Variants in ACTR3C observed in about 807,000 individuals in gnomAD.
The protein encoded by ACTR3C is actin-related protein 3C.
In ACTR3C, 18 loss-of-function variants were observed where a neutral mutation model predicts 26.3. The ratio of observed to expected loss-of-function variants is 0.68; its 90% confidence interval spans 0.47 to 1.01. The LOEUF (loss-of-function observed/expected upper bound fraction) is 1.01, where lower values mean the gene tolerates loss of function less well. Ranked by LOEUF, ACTR3C falls within the 50% of genes least tolerant of loss-of-function variation. The pLI, the probability that ACTR3C is intolerant of heterozygous loss-of-function variation, is 0.00. For synonymous variants in ACTR3C, 55 were observed against 94.5 expected, an observed-to-expected ratio of 0.58 and a Z score of 2.42; for missense variants, 184 against 250.7, an observed-to-expected ratio of 0.73 and a Z score of 1.80.
chr7:149,906,086 C>CT, the ACTR3C span, among the ~76,000 whole-genome samples: 12 of 152,080 alleles, frequency 7.9e-5, no homozygotes, highest in Admixed American at 7.9e-4. Context: ...TGTGTCAGCA[C>CT]TGATACATGA....
At chr7:150,034,805 CCGCCTCG>C in the ACTR3C span, among the ~76,000 whole-genome samples, 1 of 147,906 alleles carries the variant, frequency 6.8e-6, no homozygotes, top group Non-Finnish European at 1.5e-5. Flanking sequence ...CTCTCAGTCC[CCGCCTCG>C]TGGGGGGTGC....
chr7:149,990,476 A>T, the ACTR3C span, among the ~76,000 whole-genome samples: 1 of 119,606 alleles, frequency 8.4e-6, no homozygotes, highest in Admixed American at 9.5e-5. Flanking sequence ...TCACCCCACC[A>T]CACTCCATGT....
the ACTR3C span, among the ~76,000 whole-genome samples, chr7:150,149,328 T>C: frequency 2.6e-5 from 4 of 151,926 alleles, no homozygotes; most frequent in African/African-American, 9.7e-5. Flanking sequence ...AAAAGATTTC[T>C]TTTGATGCAC....
the ACTR3C span, among the ~76,000 whole-genome samples, chr7:150,223,628 A>G: frequency 1.3e-5 from 2 of 152,082 alleles, no homozygotes; most frequent in Middle Eastern, 3.4e-3. Flanking sequence ...TAAACCCATC[A>G]TAAGTCCAGA....
the ACTR3C span, chr7:150,041,312 CCCTTAAGCT>C: frequency 6.6e-6 from 1 of 151,000 alleles, no homozygotes; most frequent in Non-Finnish European, 1.5e-5. Context: ...CTGCCTTCTG[CCCTTAAGCT>C]CCGGTAGATT....
At chr7:150,308,956 C>T (rs539539044) in intron 1 of ACTR3C, among the ~76,000 whole-genome samples, 2 of 152,250 alleles carry the variant, frequency 1.3e-5, no homozygotes, top group East Asian at 3.9e-4. Context: ...TGACTCAGTC[C>T]TACAATTTAA....
chr7:149,978,794 C>A, the ACTR3C span, among the ~76,000 whole-genome samples: 1 of 152,146 alleles, frequency 6.6e-6, no homozygotes, highest in Non-Finnish European at 1.5e-5. Flanking sequence ...TGTTTACCAG[C>A]AGGCGTCTCT....
the ACTR3C span, among the ~76,000 whole-genome samples, chr7:150,138,910 T>C: frequency 2.6e-5 from 4 of 152,430 alleles, no homozygotes; most frequent in African/African-American, 7.2e-5. Context: ...GGATCTAGGT[T>C]GTCAGCTCCT....
the ACTR3C span, among the ~76,000 whole-genome samples, chr7:150,222,818 C>T: frequency 1.3e-5 from 2 of 152,234 alleles, no homozygotes; most frequent in Non-Finnish European, 2.9e-5. Context: ...ATATGTTTGA[C>T]TTTGACGTAA....
the ACTR3C span, among the ~76,000 whole-genome samples, chr7:149,920,764 G>T: frequency 6.7e-6 from 1 of 148,802 alleles, no homozygotes; most frequent in African/African-American, 2.5e-5. Flanking sequence ...TCTTTTAGGG[G>T]TTTGTTTTGT....
the ACTR3C span, among the ~76,000 whole-genome samples, chr7:150,109,404 ATAAG>A: frequency 1.3e-5 from 2 of 151,920 alleles, no homozygotes; most frequent in Non-Finnish European, 2.9e-5. Context: ...TAAAAGATAT[ATAAG>A]TATTTTTTTT....
At chr7:150,096,571 C>G in the ACTR3C span, among the ~76,000 whole-genome samples, 12 of 151,914 alleles carry the variant, frequency 7.9e-5, 1 homozygote, top group African/African-American at 2.9e-4. Flanking sequence ...CATGCTTCTA[C>G]TACAGCTACC....
the ACTR3C span, among the ~76,000 whole-genome samples, chr7:149,912,841 C>A: frequency 1.3e-5 from 2 of 152,072 alleles, no homozygotes; most frequent in South Asian, 4.2e-4. Flanking sequence ...GAGATCATTA[C>A]CCTCCTAGCA....
the ACTR3C span, among the ~76,000 whole-genome samples, chr7:149,949,230 G>T: frequency 6.9e-6 from 1 of 145,974 alleles, no homozygotes; most frequent in Non-Finnish European, 1.5e-5. Flanking sequence ...ACACAAATTA[G>T]CTGGGTATAG....
chr7:150,164,914 G>A, the ACTR3C span, among the ~76,000 whole-genome samples: 2 of 152,260 alleles, frequency 1.3e-5, no homozygotes, highest in Admixed American at 6.5e-5. Flanking sequence ...ACAGGTGAGC[G>A]CTGGTTTTGG....
the ACTR3C span, among the ~76,000 whole-genome samples, chr7:150,024,342 T>A: frequency 6.6e-6 from 1 of 151,990 alleles, no homozygotes; most frequent in Non-Finnish European, 1.5e-5. Flanking sequence ...GAACCCTGGA[T>A]TCTGCAAAGT....
the ACTR3C span, among the ~76,000 whole-genome samples, chr7:149,927,739 A>C: frequency 6.6e-6 from 1 of 152,144 alleles, no homozygotes; most frequent in Non-Finnish European, 1.5e-5. Context: ...CGAAAGAAAA[A>C]AAAAAAGGGC....
the ACTR3C span, among the ~76,000 whole-genome samples, chr7:150,051,558 C>A: frequency 1.0e-5 from 1 of 100,310 alleles, no homozygotes; most frequent in Non-Finnish European, 2.2e-5. Flanking sequence ...ATTTTTATTC[C>A]TACTTATTGG....
At chr7:150,112,188 T>C in the ACTR3C span, among the ~76,000 whole-genome samples, 2 of 151,334 alleles carry the variant, frequency 1.3e-5, no homozygotes, top group African/African-American at 2.4e-5. Context: ...CGCTCTGAGC[T>C]TCCTCAGTGG....
Sources: gnomAD v4.1 joint callset for allele counts (sites outside exome capture counted in the v4.1 genomes callset) on GRCh38, gnomAD v4.1.1 for gene constraint, MANE v1.5 for transcripts, NCBI Gene and HGNC (gene_info 2026-07-23, HGNC 2026-07-21) for gene names.